ADGRB3: variants seen among roughly 807,000 people sequenced by gnomAD.
ADGRB3 encodes the protein adhesion G protein-coupled receptor B3.
ADGRB3 carries 37 observed loss-of-function variants against 193.4 expected under a neutral mutation model. That is an observed-to-expected ratio of 0.19 (90% CI 0.15 to 0.25). The LOEUF (loss-of-function observed/expected upper bound fraction) is 0.25, where lower values mean the gene tolerates loss of function less well. ADGRB3 is among the 10% of genes least tolerant of loss of function. The pLI is 1.00. For missense variants in ADGRB3, 1,637 were observed against 1,852.9 expected (o/e 0.88, Z 2.14); for synonymous variants, 690 against 644.2 (o/e 1.07, Z -1.08).
At chr6:68,825,408 C>T (rs1293102747) in intron 3 of ADGRB3, among the ~76,000 whole-genome samples, 3 of 152,102 alleles carry the variant, frequency 2.0e-5, no homozygotes, top group Non-Finnish European at 4.4e-5. Flanking sequence ...ATGTTTCACA[C>T]ATAAACAGAA....
chr6:68,660,755 T>G (rs770861282), intron 3 of ADGRB3, among the ~76,000 whole-genome samples: 4 of 151,146 alleles, frequency 2.6e-5, no homozygotes, highest in Non-Finnish European at 5.9e-5. Flanking sequence ...TACACAGTAA[T>G]TCCAATTTTT....
At chr6:68,659,594 A>G (rs116519134) in intron 3 of ADGRB3, among the ~76,000 whole-genome samples, 4,190 of 151,108 alleles carry the variant, frequency 0.028, 180 homozygotes, top group African/African-American at 0.095. Flanking sequence ...ACACAAATAT[A>G]TATCCTGTCA....
Position 69,251,725 on chromosome 6 carries a change from T to C in ADGRB3, c.2814+12499T>C, listed in dbSNP as rs200997748. 3.3e-5 allele frequency among the ~76,000 whole-genome samples: 5 copies of C among 152,178 alleles called. No individual in the cohort carries two copies. In the East Asian group the frequency reaches 9.6e-4, roughly 29 times the overall value. On this transcript the variant is annotated intron_variant, in intron 20 of 31. Transcript: ENST00000370598. ...AAGTATACTCTAATGATTCCCACAG[T>C]CAAGTTACTTAACATATCCATTACC... is the stretch of plus-strand genomic sequence containing the variant.
At chr6:69,350,002 C>G (rs1158734707) in intron 26 of ADGRB3, among the ~76,000 whole-genome samples, 2 of 152,200 alleles carry the variant, frequency 1.3e-5, no homozygotes, top group Non-Finnish European at 2.9e-5. Flanking sequence ...GCGCTACCAG[C>G]TGCCTTCAGA....
At chr6:68,890,823 G>T (rs1369575963) in intron 3 of ADGRB3, among the ~76,000 whole-genome samples, 1 of 152,146 alleles carries the variant, frequency 6.6e-6, no homozygotes, top group Non-Finnish European at 1.5e-5. Context: ...TGCCATAAAT[G>T]GATCTTAAAG....
chr6:68,869,409 C>A (rs1051205027), intron 3 of ADGRB3, among the ~76,000 whole-genome samples: 2 of 151,980 alleles, frequency 1.3e-5, no homozygotes, highest in Non-Finnish European at 2.9e-5. Context: ...ATGTATGGTT[C>A]AAATTTAGAG....
intron 20 of ADGRB3, among the ~76,000 whole-genome samples, chr6:69,268,807 A>G (rs753336847): frequency 6.6e-6 from 1 of 152,020 alleles, no homozygotes; most frequent in Non-Finnish European, 1.5e-5. Context: ...CCACTCCAAA[A>G]TGGGCTGGCC....
intron 8 of ADGRB3, among the ~76,000 whole-genome samples, chr6:68,966,635 T>TC (rs1028061134): frequency 6.6e-6 from 1 of 152,184 alleles, no homozygotes; most frequent in Non-Finnish European, 1.5e-5. Flanking sequence ...ACTGACACAC[T>TC]CTTCCCTAAG....
intron 17 of ADGRB3, among the ~76,000 whole-genome samples, chr6:69,123,165 C>G (rs568439126): frequency 6.6e-6 from 1 of 151,980 alleles, no homozygotes; most frequent in African/African-American, 2.4e-5. Context: ...GATAAATATG[C>G]ACAATATGGG....
At chr6:68,825,213 C>T (rs1767820727) in intron 3 of ADGRB3, among the ~76,000 whole-genome samples, 1 of 151,962 alleles carries the variant, frequency 6.6e-6, no homozygotes, top group South Asian at 2.1e-4. Flanking sequence ...AAATTAATCT[C>T]ATGGTTGCTT....
At chr6:69,108,121 AT>A (rs778000721) in intron 17 of ADGRB3, among the ~76,000 whole-genome samples, 1 of 152,002 alleles carries the variant, frequency 6.6e-6, no homozygotes, top group Non-Finnish European at 1.5e-5. Context: ...AGTCCTGGGA[AT>A]CTTAGCTCCA....
chr6:68,879,542 T>C (rs1303322914), intron 3 of ADGRB3, among the ~76,000 whole-genome samples: 1 of 151,944 alleles, frequency 6.6e-6, no homozygotes, highest in Non-Finnish European at 1.5e-5. Context: ...TTTTGTTGCT[T>C]TTTATTCTCA....
intron 3 of ADGRB3, among the ~76,000 whole-genome samples, chr6:68,919,405 G>A (rs1766976131): frequency 6.6e-6 from 1 of 152,140 alleles, no homozygotes; most frequent in Non-Finnish European, 1.5e-5. Context: ...AATGCTGTTA[G>A]CAAAATATTT....
At chr6:69,117,864 C>A (rs746628565) in intron 17 of ADGRB3, among the ~76,000 whole-genome samples, 5 of 152,170 alleles carry the variant, frequency 3.3e-5, no homozygotes, top group Admixed American at 6.5e-5. Flanking sequence ...TTGCTAATAT[C>A]CACAATGTAA....
chr6:68,674,313 A>T (rs1404524328), intron 3 of ADGRB3, among the ~76,000 whole-genome samples: 3 of 152,176 alleles, frequency 2.0e-5, no homozygotes, highest in Non-Finnish European at 4.4e-5. Context: ...AGCTAAAAAA[A>T]TTTTAGACGG....
intron 15 of ADGRB3, among the ~76,000 whole-genome samples, chr6:69,059,696 G>A (rs1278694905): frequency 6.6e-6 from 1 of 152,102 alleles, no homozygotes; most frequent in African/African-American, 2.4e-5. Context: ...CTATTCACTT[G>A]TGCAAATTAG....
chr6:68,965,849 A>G (rs953661691), intron 8 of ADGRB3, among the ~76,000 whole-genome samples: 4 of 152,224 alleles, frequency 2.6e-5, no homozygotes, highest in African/African-American at 9.6e-5. Context: ...TGTTCAGTCT[A>G]GAGAGCAGCC....
intron 17 of ADGRB3, among the ~76,000 whole-genome samples, chr6:69,180,228 C>A (rs908948848): frequency 6.6e-6 from 1 of 152,202 alleles, no homozygotes; most frequent in African/African-American, 2.4e-5. Context: ...GTCCCTTCTA[C>A]ATTAGGATCC....
chr6:68,793,602 C>T (rs1382382170), intron 3 of ADGRB3, among the ~76,000 whole-genome samples: 1 of 152,168 alleles, frequency 6.6e-6, no homozygotes, highest in Non-Finnish European at 1.5e-5. Context: ...GATCTCAGCT[C>T]ACTGCAACCT....
Sources: allele counts gnomAD v4.1 joint callset (sites outside exome capture counted in the v4.1 genomes callset), GRCh38; gene constraint gnomAD v4.1.1; transcripts MANE v1.5; gene names NCBI Gene and HGNC (gene_info 2026-07-23, HGNC 2026-07-21).